Variants in LSAMP observed in about 807,000 individuals in gnomAD.
LSAMP encodes limbic system-associated membrane protein.
In LSAMP, 7 loss-of-function variants were observed where a neutral mutation model predicts 38.6. The ratio of observed to expected loss-of-function variants is 0.18; its 90% CI spans 0.10 to 0.34. The LOEUF is 0.34. LSAMP is among the 10% of genes least tolerant of loss of function. The pLI, the probability that LSAMP is intolerant of heterozygous loss-of-function variation, is 1.00. For missense variants in LSAMP, 313 were observed against 420.0 expected (o/e 0.75, Z 2.23); for synonymous variants, 154 against 166.8 (o/e 0.92, Z 0.59).
intron 1 of LSAMP, among the ~76,000 whole-genome samples, chr3:116,325,362 T>A (rs1477615695): frequency 6.6e-6 from 1 of 152,148 alleles, no homozygotes; most frequent in African/African-American, 2.4e-5. Flanking sequence ...TACTTTTTGC[T>A]ATATTGCAGT....
At chr3:116,435,990 G>T (rs9869410) in intron 1 of LSAMP, among the ~76,000 whole-genome samples, 84,313 of 151,948 alleles carry the variant, frequency 0.55, 25,546 homozygotes, top group East Asian at 0.72. Context: ...AAGAGGAAAA[G>T]AATTTTCTTA....
At chr3:115,917,210 G>A (rs1937270758) in intron 3 of LSAMP, among the ~76,000 whole-genome samples, 2 of 152,178 alleles carry the variant, frequency 1.3e-5, no homozygotes, top group Admixed American at 6.5e-5. Flanking sequence ...GGTTGAACTA[G>A]GACATTAAAC....
At chr3:115,878,957 T>C (rs917533071) in intron 3 of LSAMP, among the ~76,000 whole-genome samples, 1 of 152,134 alleles carries the variant, frequency 6.6e-6, no homozygotes, top group African/African-American at 2.4e-5. Context: ...GAAGCCTTGG[T>C]ATTTGCCATG....
chr3:116,312,898 C>G (rs527289770), intron 1 of LSAMP, among the ~76,000 whole-genome samples: 1 of 152,100 alleles, frequency 6.6e-6, no homozygotes, highest in Non-Finnish European at 1.5e-5. Flanking sequence ...ATCTTACTCA[C>G]AAAATGCATG....
intron 2 of LSAMP, among the ~76,000 whole-genome samples, chr3:116,070,690 C>T (rs1707578746): frequency 6.6e-6 from 1 of 152,218 alleles, no homozygotes. Context: ...TGTTCCTCCT[C>T]CCTGAGACTT....
intron 2 of LSAMP, among the ~76,000 whole-genome samples, chr3:116,047,176 C>T (rs968493277): frequency 3.3e-5 from 5 of 152,082 alleles, no homozygotes; most frequent in African/African-American, 9.7e-5. Flanking sequence ...ACTCTCTCAA[C>T]GAATACATTT....
chr3:116,067,774 CTGT>C (rs1215662577), intron 2 of LSAMP, among the ~76,000 whole-genome samples: 3 of 149,222 alleles, frequency 2.0e-5, no homozygotes, highest in East Asian at 3.9e-4. Flanking sequence ...CTGTATCTTG[CTGT>C]TGTTTTTTTT....
At chr3:116,202,280 C>T (rs546519151) in intron 1 of LSAMP, among the ~76,000 whole-genome samples, 3 of 151,982 alleles carry the variant, frequency 2.0e-5, no homozygotes, top group South Asian at 2.1e-4. Flanking sequence ...GGACTACAGG[C>T]GCATGCCACC....
intron 3 of LSAMP, among the ~76,000 whole-genome samples, chr3:115,890,433 G>A (rs1160403676): frequency 1.3e-5 from 2 of 151,848 alleles, no homozygotes; most frequent in African/African-American, 4.8e-5. Context: ...CATGGAACTA[G>A]TAGTTCAGGT....
At chr3:116,006,336 T>G (rs1189767675) in intron 3 of LSAMP, among the ~76,000 whole-genome samples, 1 of 152,046 alleles carries the variant, frequency 6.6e-6, no homozygotes, top group Non-Finnish European at 1.5e-5. Flanking sequence ...AGAGCCCTCA[T>G]CGGAACCTGA....
intron 1 of LSAMP, among the ~76,000 whole-genome samples, chr3:116,215,818 A>T (rs1036019563): frequency 1.3e-5 from 2 of 152,228 alleles, no homozygotes; most frequent in African/African-American, 4.8e-5. Flanking sequence ...TGATTAAAGC[A>T]AAACAGAGGC....
At position 116,002,499 on chromosome 3, in the gene LSAMP, T is replaced by C. The variant is rs192399212; in HGVS notation, c.514+17016A>G. 2.0e-4 allele frequency among the ~76,000 whole-genome samples: 30 copies of C among 152,206 alleles called. No homozygotes were observed. In the East Asian group the frequency reaches 3.7e-3, roughly 19 times the overall value. The stretch of plus-strand genomic sequence containing the variant: ...TGGTTGTCTTCCCAGCTGCACCACA[T>C]ACCCCTACATCCCTCTGTACATTGC... On this transcript the variant is annotated intron_variant, in intron 3 of 6. Coordinates refer to ENST00000490035, the MANE Select transcript of LSAMP (RefSeq NM_002338.5).
chr3:116,271,379 T>C (rs1416333287), intron 1 of LSAMP, among the ~76,000 whole-genome samples: 1 of 152,084 alleles, frequency 6.6e-6, no homozygotes, highest in Non-Finnish European at 1.5e-5. Context: ...TTGTATTTTA[T>C]GCTTTGTCCA....
intron 3 of LSAMP, among the ~76,000 whole-genome samples, chr3:115,861,744 G>T (rs1276454302): frequency 1.3e-5 from 2 of 152,138 alleles, no homozygotes; most frequent in Non-Finnish European, 2.9e-5. Flanking sequence ...TAATATGGTT[G>T]GTATTAGGTT....
chr3:116,328,236 C>A (rs1197633153), intron 1 of LSAMP, among the ~76,000 whole-genome samples: 44 of 152,182 alleles, frequency 2.9e-4, no homozygotes, highest in Admixed American at 2.8e-3. Flanking sequence ...TGCCACCTTG[C>A]ATCCCTTTCC....
At chr3:115,882,230 A>G (rs947775573) in intron 3 of LSAMP, among the ~76,000 whole-genome samples, 1 of 152,072 alleles carries the variant, frequency 6.6e-6, no homozygotes, top group Non-Finnish European at 1.5e-5. Flanking sequence ...CACCTAACAC[A>G]CTGTCTCAGG....
At chr3:116,295,341 G>GAGTT (rs1315720954) in intron 1 of LSAMP, among the ~76,000 whole-genome samples, 1 of 152,154 alleles carries the variant, frequency 6.6e-6, no homozygotes, top group Non-Finnish European at 1.5e-5. Flanking sequence ...CTCCAAGATT[G>GAGTT]AGTTATTTCA....
At chr3:116,164,602 AT>A (rs1320767933) in intron 1 of LSAMP, among the ~76,000 whole-genome samples, 1 of 8,306 alleles carries the variant, frequency 1.2e-4, no homozygotes, top group East Asian at 0.011. Context: ...TATAATCCAA[AT>A]ATATATATAT....
At chr3:116,048,267 C>T (rs1366999020) in intron 2 of LSAMP, among the ~76,000 whole-genome samples, 1 of 152,180 alleles carries the variant, frequency 6.6e-6, no homozygotes, top group Non-Finnish European at 1.5e-5. Context: ...TCTTGAATAA[C>T]TTTGTTGTGT....
Sources: allele counts gnomAD v4.1 joint callset (sites outside exome capture counted in the v4.1 genomes callset), GRCh38; gene constraint gnomAD v4.1.1; transcripts MANE v1.5; gene names NCBI Gene and HGNC (gene_info 2026-07-23, HGNC 2026-07-21).